SNX29: variants seen among roughly 807,000 people sequenced by gnomAD.
SNX29 encodes sorting nexin 29.
A neutral mutation model predicts 102.1 loss-of-function variants in SNX29; 78 were observed. The observed-to-expected ratio is 0.76, with a 90% confidence interval of 0.64 to 0.92. SNX29 has a LOEUF of 0.92. Among genes scored for constraint, SNX29 ranks in the 40% least tolerant of loss-of-function variants. The probability of loss-of-function intolerance (pLI) is 0.00; values close to 1 mark genes in which losing one functional copy is unlikely to be tolerated. For synonymous variants in SNX29, 580 were observed against 414.5 expected (o/e 1.40, Z -4.85); for missense variants, 1,280 against 1,061.7 (o/e 1.21, Z -2.86).
intron 18 of SNX29, among the ~76,000 whole-genome samples, chr16:12,468,798 G>T (rs181315022): frequency 6.6e-6 from 1 of 152,318 alleles, no homozygotes; most frequent in Admixed American, 6.5e-5. Context: ...ATTGAGGAGG[G>T]TCTTGAAGGA....
chr16:12,563,172 C>G (rs971638141), intron 20 of SNX29, among the ~76,000 whole-genome samples: 26 of 147,154 alleles, frequency 1.8e-4, no homozygotes, highest in African/African-American at 5.4e-4. Context: ...ACTCTGGGCT[C>G]AGGGATGTCA....
intron 20 of SNX29, among the ~76,000 whole-genome samples, chr16:12,551,395 C>G (rs1217690972): frequency 6.6e-6 from 1 of 152,220 alleles, no homozygotes; most frequent in Non-Finnish European, 1.5e-5. Flanking sequence ...AGTAGGATTG[C>G]TTTCAAGTTG....
At chr16:12,277,025 TGGCTGTCAGCA>T (rs2079272927) in intron 14 of SNX29, among the ~76,000 whole-genome samples, 3 of 152,206 alleles carry the variant, frequency 2.0e-5, no homozygotes, top group Admixed American at 6.5e-5. Flanking sequence ...GCTCCACAGC[TGGCTGTCAGCA>T]GGCCCTACCT....
At chr16:12,054,121 C>T (rs1223025215) in intron 8 of SNX29, among the ~76,000 whole-genome samples, 3 of 152,120 alleles carry the variant, frequency 2.0e-5, no homozygotes, top group Non-Finnish European at 4.4e-5. Context: ...GCGTCCGCCA[C>T]CACGCCCGGC....
intron 14 of SNX29, among the ~76,000 whole-genome samples, chr16:12,238,986 T>G (rs573048092): frequency 6.6e-6 from 1 of 152,204 alleles, no homozygotes; most frequent in East Asian, 1.9e-4. Flanking sequence ...AAAAGGACTC[T>G]CCCCCGCTAA....
chr16:12,234,172 C>G (rs1262560755), intron 14 of SNX29, among the ~76,000 whole-genome samples: 2 of 152,108 alleles, frequency 1.3e-5, no homozygotes, highest in Admixed American at 6.5e-5. Flanking sequence ...AATGAAGGTT[C>G]CAGTTATTCT....
At chr16:12,262,176 G>C (rs889927079) in intron 14 of SNX29, among the ~76,000 whole-genome samples, 1 of 152,224 alleles carries the variant, frequency 6.6e-6, no homozygotes, top group Non-Finnish European at 1.5e-5. Flanking sequence ...GTCTGTGCAC[G>C]TGTCCCAGCT....
intron 16 of SNX29, among the ~76,000 whole-genome samples, chr16:12,366,754 TTC>T (rs939304485): frequency 6.6e-6 from 1 of 152,192 alleles, no homozygotes; most frequent in African/African-American, 2.4e-5. Flanking sequence ...CTCTGTGTGC[TTC>T]TCTTTTTGTT....
intron 16 of SNX29, among the ~76,000 whole-genome samples, chr16:12,358,199 TG>T (rs1429541016): frequency 4.4e-5 from 2 of 45,690 alleles, no homozygotes; most frequent in African/African-American, 1.2e-4. Flanking sequence ...ATTAACCCCC[TG>T]TTTGTGTGCA....
At chr16:12,358,271 C>T (rs893797558) in intron 16 of SNX29, among the ~76,000 whole-genome samples, 1 of 152,158 alleles carries the variant, frequency 6.6e-6, no homozygotes, top group East Asian at 1.9e-4. Context: ...GTGTTTTCAT[C>T]CGCTGTTCCT....
chr16:12,308,366 GAT>G (rs752160811), intron 15 of SNX29, among the ~76,000 whole-genome samples: 27 of 152,210 alleles, frequency 1.8e-4, no homozygotes, highest in Non-Finnish European at 3.7e-4. Flanking sequence ...GGTATTTACG[GAT>G]TTCATCCAGG....
At chr16:12,129,033 TG>T (rs2054341261) in intron 12 of SNX29, among the ~76,000 whole-genome samples, 1 of 152,200 alleles carries the variant, frequency 6.6e-6, no homozygotes, top group South Asian at 2.1e-4. Flanking sequence ...GAATGTAAAA[TG>T]CTATCTCTGC....
Position 12,463,455 on chromosome 16 carries a change from G to A in SNX29, c.2038-14264G>A, listed in dbSNP as rs572866221. Among the ~76,000 whole-genome samples, 9 of 152,250 alleles carry A rather than the reference G, an allele frequency of 5.9e-5. No individual in the cohort carries two copies. In the South Asian group the frequency reaches 6.2e-4, roughly 11 times the overall value. On this transcript the variant is annotated intron_variant, in intron 18 of 20. Coordinates refer to ENST00000566228, the MANE Select transcript of SNX29 (RefSeq NM_032167.5). ...GCAACTCACATCTTACATGGATGGC[G>A]GCAGGCAAAGAAAGCTTGTGCAGAG...
intron 14 of SNX29, among the ~76,000 whole-genome samples, chr16:12,203,944 C>G (rs1008613517): frequency 6.6e-6 from 1 of 152,212 alleles, no homozygotes; most frequent in African/African-American, 2.4e-5. Flanking sequence ...AGCGTCCTCC[C>G]TCACTGTCAG....
At chr16:12,068,495 C>T (rs1165055917) in intron 9 of SNX29, among the ~76,000 whole-genome samples, 2 of 43,794 alleles carry the variant, frequency 4.6e-5, no homozygotes, top group African/African-American at 1.0e-4. Context: ...GAGACCCTGT[C>T]TCAAAAAAAA....
chr16:12,398,551 G>C (rs770488646), intron 17 of SNX29, 50 bp downstream of exon 17: 5 of 1,603,308 alleles, frequency 3.1e-6, no homozygotes, highest in Non-Finnish European at 4.3e-6. Context: ...ACTGGACTCT[G>C]TTGTTGGCTT....
At chr16:12,543,403 C>T (rs1220178340) in intron 20 of SNX29, among the ~76,000 whole-genome samples, 3 of 152,236 alleles carry the variant, frequency 2.0e-5, no homozygotes, top group Admixed American at 1.3e-4. Context: ...GGAGGGGGCC[C>T]GATTCACTGA....
At chr16:12,156,663 TC>T (rs1295510031) in intron 13 of SNX29, among the ~76,000 whole-genome samples, 2 of 152,146 alleles carry the variant, frequency 1.3e-5, no homozygotes, top group African/African-American at 4.8e-5. Flanking sequence ...GTGTTTTGTT[TC>T]TCTACCTCTA....
At chr16:12,042,315 C>T (rs138760211) in intron 4 of SNX29, among the ~76,000 whole-genome samples, 33 of 152,332 alleles carry the variant, frequency 2.2e-4, no homozygotes, top group African/African-American at 7.9e-4. Context: ...AGGCATGAGC[C>T]ACCGTTCCCA....
Sources: allele counts gnomAD v4.1 joint callset (sites outside exome capture counted in the v4.1 genomes callset), GRCh38; gene constraint gnomAD v4.1.1; transcripts MANE v1.5; gene names NCBI Gene and HGNC (gene_info 2026-07-23, HGNC 2026-07-21).